Variants in TAF2 observed in about 807,000 individuals in gnomAD.
TAF2 encodes TATA-box binding protein associated factor 2, also known as transcription initiation factor TFIID subunit 2.
A neutral mutation model predicts 138.5 loss-of-function variants in TAF2; 61 were observed. The ratio of observed to expected loss-of-function variants is 0.44; its 90% confidence interval spans 0.36 to 0.54. The LOEUF is 0.54. TAF2 is among the 20% of genes least tolerant of loss of function. TAF2 has a pLI of 0.00. For missense variants in TAF2, 1,090 were observed against 1,427.9 expected (o/e 0.76, Z 3.81); for synonymous variants, 475 against 469.9 (o/e 1.01, Z -0.14).
At chr8:119,822,618 T>C (rs1825864457) in intron 2 of TAF2, among the ~76,000 whole-genome samples, 1 of 152,238 alleles carries the variant, frequency 6.6e-6, no homozygotes. Context: ...TCAAAGTTCC[T>C]TGACCTCAGT....
intron 10 of TAF2, among the ~76,000 whole-genome samples, chr8:119,792,250 T>C (rs1446373481): frequency 1.3e-5 from 2 of 151,298 alleles, no homozygotes; most frequent in Non-Finnish European, 2.9e-5. Context: ...ACCTCCCAGG[T>C]TCAAGTGATT....
chr8:119,832,629 G>C lies in TAF2; in HGVS notation c.-65C>G. The C allele has an allele frequency of 6.7e-7, 1 of 1,496,678 alleles. No homozygotes were observed. Among genetic ancestry groups the C allele is most frequent in the African/African-American group, 1.4e-5 (1 of 72,752 alleles). The allele number at this position is 1,496,678 out of a possible 1,614,324, so 92.7% of individuals were successfully genotyped here. ...GGGATACGGGGCATTACTAGTCTTT[G>C]GCACCTCACACTCTCCACTCCCCTG... On this transcript the variant is annotated 5_prime_UTR_variant, in exon 1 of 26. Transcript: ENST00000378164.
At chr8:119,748,130 T>C (rs1820107463) in intron 22 of TAF2, among the ~76,000 whole-genome samples, 1 of 133,308 alleles carries the variant, frequency 7.5e-6, no homozygotes, top group African/African-American at 2.8e-5. Flanking sequence ...TCTCAAAAAA[T>C]AAAGAAAGGA....
At position 119,730,850 on chromosome 8, in the gene TAF2, T is replaced by C. The variant is rs1169136965; in HGVS notation, c.*1074A>G. 6.6e-6 allele frequency: 1 copy of C among 152,186 alleles called. No individual in the cohort carries two copies. Among genetic ancestry groups the C allele is most frequent in the East Asian group, 1.9e-4 (1 of 5,206 alleles). The allele number at this position is 152,186 out of a possible 1,614,324, so 9.4% of individuals were successfully genotyped here. On this transcript the variant is annotated 3_prime_UTR_variant, in exon 26 of 26. Coordinates refer to ENST00000378164, the MANE Select transcript of TAF2 (RefSeq NM_003184.4). Reference sequence around the variant, plus strand: ...TTAGAGGTCCAAGATTCAAGTATTTTTGTCAAACTTTCTAATGATAAGGGG... The same window carrying C: ...TTAGAGGTCCAAGATTCAAGTATTTCTGTCAAACTTTCTAATGATAAGGGG...
chr8:119,775,279 C>T (rs373473976), intron 18 of TAF2, among the ~76,000 whole-genome samples: 1 of 100,830 alleles, frequency 9.9e-6, no homozygotes, highest in African/African-American at 3.9e-5. Context: ...GATTCCATCT[C>T]AAAAAAAAAA....
intron 3 of TAF2, among the ~76,000 whole-genome samples, chr8:119,818,186 C>T (rs1825597814): frequency 6.6e-6 from 1 of 152,222 alleles, no homozygotes; most frequent in Non-Finnish European, 1.5e-5. Flanking sequence ...ATCAGAATCA[C>T]CTGGCAAGCT....
rs760600645 is a variant in TAF2 at position 119,778,023 on chromosome 8, T to G, written c.2360A>C (p.Asn787Thr). Residue 787 changes from asparagine to threonine, a missense_variant, in exon 18 of 26, where the codon AAT (asparagine) becomes ACT (threonine). Physicochemically the swap from Asn to Thr is moderately conservative, Grantham distance 65 (BLOSUM62 0). Transcript: ENST00000378164. Reference protein sequence around the residue: ...DLIKYNDNRKNKFSDNYYRAE... With the variant: ...DLIKYNDNRKTKFSDNYYRAE... Reference sequence around the variant, plus strand: ...TTAAAAATAAAAGTACCTCACCTTATTTTTCCTGTTGTCATTGTACTTGAT... The same window carrying G: ...TTAAAAATAAAAGTACCTCACCTTAGTTTTCCTGTTGTCATTGTACTTGAT... 4 of 1,501,208 alleles carry G rather than the reference T, an allele frequency of 2.7e-6. No individual in the cohort carries two copies. The Admixed American group carries it at 7.0e-5, about 26-fold the overall frequency. The allele number at this position is 1,501,208 out of a possible 1,614,324, so 93.0% of individuals were successfully genotyped here. A position where few individuals can be genotyped will look rare whatever the true frequency, so the allele number is the denominator to read the frequency against.
chr8:119,832,805 G>T lies in TAF2; in HGVS notation c.-241C>A. On this transcript the variant is annotated 5_prime_UTR_variant, in exon 1 of 26. The change creates a premature stop within an existing upstream ORF in the 5' untranslated region. Transcript: ENST00000378164. ...GAGATGCTCCTCTCCGCAAGGGCTC[G>T]AAGCTACCATCCGCCGACATCTTGT... 1 of 468,846 alleles carries T rather than the reference G, an allele frequency of 2.1e-6. No individual in the cohort carries two copies. The highest frequency in any genetic ancestry group is 3.8e-6 in the Non-Finnish European group (1 of 263,590). 29.0% of individuals were successfully genotyped at this position (468,846 alleles called of 1,614,324 possible). A position where few individuals can be genotyped will look rare whatever the true frequency, so the allele number is the denominator to read the frequency against.
At position 119,768,636 on chromosome 8, in the gene TAF2, T is replaced by C. The variant is rs114753260; in HGVS notation, c.2365-6028A>G. On this transcript the variant is annotated intron_variant, in intron 18 of 25. Transcript: ENST00000378164. ...CAGATGAGAAATACATATTCTGCAG[T>C]TGTTGGGTAGAATAATCTGTAAATG... Among the ~76,000 whole-genome samples, 1,395 of 152,346 alleles carry C rather than the reference T, an allele frequency of 9.2e-3. 20 individuals carry two copies. Among genetic ancestry groups the C allele is most frequent in the African/African-American group, 0.032 (1,330 of 41,584 alleles).
At chr8:119,804,972 A>G (rs576064915) in intron 4 of TAF2, among the ~76,000 whole-genome samples, 1 of 152,242 alleles carries the variant, frequency 6.6e-6, no homozygotes, top group African/African-American at 2.4e-5. Flanking sequence ...AAACCCTAAA[A>G]ATGCAATGAC....
In TAF2 at chr8:119,734,723, TTACA is replaced by T. The variant is rs1226195105; in HGVS notation, c.3338-2541_3338-2538del. The stretch of plus-strand genomic sequence containing the variant: ...ATCAGCCCTCATCCCTCCTAGGAGC[TTACA>T]GACTAGCAAAGAAGAAATAAATTGA... On this transcript the variant is annotated intron_variant, in intron 25 of 25. Coordinates refer to ENST00000378164, the MANE Select transcript of TAF2 (RefSeq NM_003184.4). Among the ~76,000 whole-genome samples, 4 of 152,198 alleles carry T rather than the reference TTACA, an allele frequency of 2.6e-5. No homozygotes were observed. In the South Asian group the frequency reaches 8.3e-4, roughly 32 times the overall value.
chr8:119,762,857 G>A, intron 18 of TAF2: 3 of 323,726 alleles, frequency 9.3e-6, no homozygotes, highest in Non-Finnish European at 1.7e-5. Context: ...AAAGCATAAA[G>A]AAACTGGAGG....
chr8:119,733,458 A>C (rs906218052), intron 25 of TAF2, among the ~76,000 whole-genome samples: 4 of 152,198 alleles, frequency 2.6e-5, no homozygotes, highest in Admixed American at 2.6e-4. Context: ...GCTATACTTC[A>C]TCTCTCTGGG....
Position 119,788,774 on chromosome 8 carries a change from T to G in TAF2, c.1683+16A>C. 6.3e-7 allele frequency: 1 copy of G among 1,584,240 alleles called. No homozygotes were observed. Among genetic ancestry groups the G allele is most frequent in the Non-Finnish European group, 8.7e-7 (1 of 1,152,824 alleles). On this transcript the variant is annotated intron_variant, in intron 13 of 25. Transcript: ENST00000378164. ...AGGAGATAGCAGTACAAAGGCGATT[T>G]TGGAAAAAGACTTACCACGTATTTC...
At chr8:119,814,735 T>C (rs915757070) in intron 3 of TAF2, among the ~76,000 whole-genome samples, 2 of 17,162 alleles carry the variant, frequency 1.2e-4, no homozygotes, top group African/African-American at 5.5e-4. Context: ...CTACCAAAAA[T>C]ACAAAAAAAA....
intron 18 of TAF2, among the ~76,000 whole-genome samples, chr8:119,767,502 G>A (rs1040194351): frequency 1.2e-4 from 18 of 152,132 alleles, no homozygotes; most frequent in African/African-American, 4.3e-4. Flanking sequence ...GCAGGGAGCC[G>A]ACACCTCTTG....
intron 25 of TAF2, among the ~76,000 whole-genome samples, chr8:119,740,756 TATAA>T (rs1401447945): frequency 8.6e-5 from 13 of 151,544 alleles, no homozygotes; most frequent in African/African-American, 2.9e-4. Flanking sequence ...TAAATATATT[TATAA>T]ATAAACCTTC....
Position 119,832,688 on chromosome 8 carries a change from GC to G in TAF2, c.-125del. The G allele has an allele frequency of 2.3e-6, 2 of 854,744 alleles. No homozygotes were observed. The highest frequency in any genetic ancestry group is 3.5e-6 in the Non-Finnish European group (2 of 572,406). The allele number at this position is 854,744 out of a possible 1,614,324, so 52.9% of individuals were successfully genotyped here. ...AAGTCACGTCTCGCAGCTGGCCGGT[GC>G]CCAGGTGAGCGACCTGACGGGTCGC... is the stretch of plus-strand genomic sequence containing the variant. On this transcript the variant is annotated 5_prime_UTR_variant, in exon 1 of 26. Coordinates refer to ENST00000378164, the MANE Select transcript of TAF2 (RefSeq NM_003184.4).
chr8:119,746,911 G>A lies in TAF2; in HGVS notation c.2902C>T (p.Arg968Trp), dbSNP rs770772712. 21 of 1,613,906 alleles carry A rather than the reference G, an allele frequency of 1.3e-5. No homozygotes were observed. Among genetic ancestry groups the A allele is most frequent in the East Asian group, 2.2e-5 (1 of 44,876 alleles). The change falls in exon 23 of 26, where the codon CGG becomes TGG. Residue 968 changes from arginine to tryptophan, a missense_variant. Transcript: ENST00000378164. ...AAGTACAAGTCCACAGCACCACACC[G>A]TAACCTCCAGTCATGTGAAGTACCT... ...NSGTSHDWRL[R>W]CGAVDLYFTL...
Sources: gnomAD v4.1 joint callset for allele counts (sites outside exome capture counted in the v4.1 genomes callset) on GRCh38, gnomAD v4.1.1 for gene constraint, MANE v1.5 for transcripts, NCBI Gene and HGNC (gene_info 2026-07-23, HGNC 2026-07-21) for gene names.